MYO1C: variants seen among roughly 807,000 people sequenced by gnomAD.
The protein encoded by MYO1C is myosin IC.
A neutral mutation model predicts 150.8 loss-of-function variants in MYO1C; 104 were observed. That is an observed-to-expected ratio of 0.69 (90% confidence interval 0.59 to 0.81). The LOEUF is 0.81. Ranked by LOEUF, MYO1C falls within the 30% of genes least tolerant of loss-of-function variation. The pLI is 0.00. For synonymous variants in MYO1C, 663 were observed against 579.9 expected (o/e 1.14, Z -2.06); for missense variants, 1,504 against 1,435.0 (o/e 1.05, Z -0.78).
In MYO1C at chr17:1,468,291, G is replaced by A. The variant is rs1197515483; in HGVS notation, c.2722C>T (p.Pro908Ser). Residue 908 changes from proline to serine, a missense_variant, in exon 27 of 32, where the codon CCC becomes TCC. Pro to Ser is a moderately conservative substitution (Grantham distance 74, BLOSUM62 -1). Coordinates refer to ENST00000648651, the MANE Select transcript of MYO1C (RefSeq NM_001080779.2). Reference sequence around the variant, plus strand: ...GAGCCCAAGGCCTGCAGCACTCGGGGGCTGATCTCATCTGTACCTGCAACT... The same window carrying A: ...GAGCCCAAGGCCTGCAGCACTCGGGAGCTGATCTCATCTGTACCTGCAACT... ...STRLGTDEIS[P>S]RVLQALGSEP... 1.9e-6 allele frequency: 3 copies of A among 1,613,856 alleles called. No homozygotes were observed. The highest frequency in any genetic ancestry group is 1.7e-6 in the Non-Finnish European group (2 of 1,180,038).
chr17:1,472,610 T>G (rs2074327329), intron 17 of MYO1C, among the ~76,000 whole-genome samples: 1 of 152,200 alleles, frequency 6.6e-6, no homozygotes, highest in African/African-American at 2.4e-5. Flanking sequence ...CTGCGGGACC[T>G]GGAAGGATCT....
In MYO1C at chr17:1,472,174, T is replaced by C. The variant is rs756628610; in HGVS notation, c.1852A>G (p.Lys618Glu). The C allele has an allele frequency of 5.6e-6, 9 of 1,614,122 alleles. No homozygotes were observed. The highest frequency in any genetic ancestry group is 7.6e-6 in the Non-Finnish European group (9 of 1,179,994). Reference protein sequence around the residue: ...LLQLVEILQSKEPAYVRCIKP... With the variant: ...LLQLVEILQSEEPAYVRCIKP... ...ATGCAGCGGACGTAGGCGGGCTCCT[T>C]AGACTGCAGGATCTCCACCAGCTGC... is the stretch of plus-strand genomic sequence containing the variant. Residue 618 changes from lysine (K) to glutamate (E), a missense_variant, in exon 18 of 32, where the codon AAG (lysine) becomes GAG (glutamate). By Grantham distance (56) the Lys-to-Glu change is moderately conservative (BLOSUM62 1). Coordinates refer to ENST00000648651, the MANE Select transcript of MYO1C (RefSeq NM_001080779.2).
chr17:1,470,563 T>A, intron 22 of MYO1C, 44 bp from the exon 23 acceptor site: 4 of 1,571,874 alleles, frequency 2.5e-6, no homozygotes, highest in Non-Finnish European at 3.5e-6. Context: ...CTTCTTACCA[T>A]GGTGGCCCCC....
At position 1,492,426 on chromosome 17, in the gene MYO1C, C is replaced by T. The variant is rs1292320038; in HGVS notation, c.62G>A (p.Arg21Lys). The T allele has an allele frequency of 1.2e-6, 2 of 1,606,658 alleles. No individual in the cohort carries two copies. Among genetic ancestry groups the T allele is most frequent in the Non-Finnish European group, 1.7e-6 (2 of 1,176,904 alleles). The change falls in exon 1 of 32, where the codon AGG (arginine) becomes AAG (lysine). Residue 21 changes from arginine to lysine, a missense_variant. Arg to Lys is a conservative substitution (Grantham distance 26). Coordinates refer to ENST00000648651, the MANE Select transcript of MYO1C (RefSeq NM_001080779.2). ...GEIIRVVHPH[R>K]PCKLALGSDG... ...ATCCCAGCTTACAAGCTTGCAGGGC[C>T]TGTGGGGATGAACCACGCGGATGAT...
Position 1,471,862 on chromosome 17 carries a change from C to T in MYO1C, c.2021+45G>A, listed in dbSNP as rs755940941. Reference sequence around the variant, plus strand: ...CCCTCATGGGACCTAGGGGCTCCTACCCTCCCGCTCCCCTTCCCTGGCACC... The same window carrying T: ...CCCTCATGGGACCTAGGGGCTCCTATCCTCCCGCTCCCCTTCCCTGGCACC... On this transcript the variant is annotated intron_variant, in intron 19 of 31. Transcript: ENST00000648651. 15 of 1,587,020 alleles carry T rather than the reference C, an allele frequency of 9.5e-6. No individual in the cohort carries two copies. The South Asian group carries it at 1.1e-4, about 12-fold the overall frequency.
chr17:1,489,891 T>A (rs1167214699), intron 1 of MYO1C, among the ~76,000 whole-genome samples: 2 of 151,378 alleles, frequency 1.3e-5, no homozygotes, highest in Non-Finnish European at 2.9e-5. Flanking sequence ...ATACAAAAAA[T>A]TAGCAGGGTG....
At chr17:1,477,838 A>G in intron 13 of MYO1C, 53 bp downstream of exon 13, 2 of 1,498,884 alleles carry the variant, frequency 1.3e-6, no homozygotes, top group Middle Eastern at 2.0e-4. Flanking sequence ...GAGAAGGGGG[A>G]CATCCTCCCA....
intron 1 of MYO1C, among the ~76,000 whole-genome samples, chr17:1,490,445 C>T (rs1482394634): frequency 6.6e-6 from 1 of 152,136 alleles, no homozygotes. Context: ...TTGCAGTGAG[C>T]AGAGGTCGCA....
rs778887409 is a variant in MYO1C at position 1,468,118 on chromosome 17, C to T, written c.2766G>A (p.Ala922=). The change falls in exon 28 of 32, where the codon GCG becomes GCA. Residue 922 remains alanine, a synonymous_variant. Transcript: ENST00000648651. ...QALGSEPIQY[A]VPVVKYDRKG... ...TGCGGTCGTATTTCACAACAGGCAC[C>T]GCATACTGGGGACAGAGGCCAGGCT... The T allele has an allele frequency of 1.5e-5, 24 of 1,613,274 alleles. No individual in the cohort carries two copies. The highest frequency in any genetic ancestry group is 6.7e-5 in the East Asian group (3 of 44,806).
At chr17:1,467,960 C>T (rs2074214072) in intron 28 of MYO1C, 28 bp downstream of exon 28, 5 of 1,612,676 alleles carry the variant, frequency 3.1e-6, no homozygotes, top group Admixed American at 1.7e-5. Flanking sequence ...GCAGGGCCCT[C>T]CCCCTGCAGC....
intron 24 of MYO1C, 99 bp from the exon 25 acceptor site, chr17:1,469,713 C>T: frequency 3.0e-6 from 3 of 991,528 alleles, no homozygotes; most frequent in Non-Finnish European, 4.6e-6. Context: ...AAGTAACACC[C>T]CCTCCATCTG....
chr17:1,469,232 G>C (rs995926331), intron 25 of MYO1C: 1 of 440,304 alleles, frequency 2.3e-6, no homozygotes, highest in Non-Finnish European at 4.3e-6. Flanking sequence ...CGGTAGACCG[G>C]GGTCAATACT....
chr17:1,474,861 G>A lies in MYO1C; in HGVS notation c.1670-3C>T. ...GTCATTGTTTTTGTCCAGAAACCCTGGGAGGGGAGAACCGACGTGAGGTGA... is the reference window on the plus strand; with the variant it reads ...GTCATTGTTTTTGTCCAGAAACCCTAGGAGGGGAGAACCGACGTGAGGTGA... On this transcript the variant is annotated splice_polypyrimidine_tract_variant and splice_region_variant and intron_variant, in intron 15 of 31. Transcript: ENST00000648651. The A allele has an allele frequency of 1.9e-6, 3 of 1,613,902 alleles. No homozygotes were observed. The highest frequency in any genetic ancestry group is 2.5e-6 in the Non-Finnish European group (3 of 1,179,980).
chr17:1,482,870 C>G lies in MYO1C; in HGVS notation c.537G>C (p.Pro179=), dbSNP rs566183609. ...AVRDRLLQSN[P]VLEAFGNAKT... ...TCTCCCTGCCCCTCACCTCCAGCACCGGGTTGCTCTGTAGCAGCCGGTCCC... is the reference window on the plus strand; with the variant it reads ...TCTCCCTGCCCCTCACCTCCAGCACGGGGTTGCTCTGTAGCAGCCGGTCCC... Residue 179 remains proline (P), a synonymous_variant, in exon 4 of 32, where the codon CCG becomes CCC. Transcript: ENST00000648651. 1 of 1,366,470 alleles carries G rather than the reference C, an allele frequency of 7.3e-7. No individual in the cohort carries two copies. The allele number at this position is 1,366,470 out of a possible 1,614,324, so 84.6% of individuals were successfully genotyped here. A position where few individuals can be genotyped will look rare whatever the true frequency, so the allele number is the denominator to read the frequency against.
chr17:1,483,903 G>A (rs1056002332), intron 2 of MYO1C, among the ~76,000 whole-genome samples, 178 bp from the exon 3 acceptor site: 8 of 152,122 alleles, frequency 5.3e-5, no homozygotes, highest in Non-Finnish European at 1.0e-4. Context: ...TTAGCCGGGC[G>A]TGGTGGCGGG....
At chr17:1,485,085 G>A (rs1175334328) in intron 1 of MYO1C, 3 of 1,243,826 alleles carry the variant, frequency 2.4e-6, no homozygotes, top group Non-Finnish European at 3.1e-6. Flanking sequence ...CTCCTCCACT[G>A]AGAGTCCTGA....
chr17:1,470,396 C>A lies in MYO1C; in HGVS notation c.2366+39G>T, dbSNP rs1356523226. 2.6e-6 allele frequency: 4 copies of A among 1,548,438 alleles called. No individual in the cohort carries two copies. In the Admixed American group the frequency reaches 5.9e-5, roughly 23 times the overall value. On this transcript the variant is annotated intron_variant, in intron 23 of 31. Coordinates refer to ENST00000648651, the MANE Select transcript of MYO1C (RefSeq NM_001080779.2). ...GCCTGGCGGTGAACCACCCCCCACG[C>A]CCTGCTCTGCAGCCCCCACAAGGCA...
chr17:1,479,543 AG>A lies in MYO1C; in HGVS notation c.1021-42del. On this transcript the variant is annotated intron_variant, in intron 8 of 31. Transcript: ENST00000648651. This position sits in a 1 kb window ranked among gnomAD's most constrained non-coding sequence, Gnocchi z 4.2. Reference sequence around the variant, plus strand: ...GAGGACACGGTGAGGGTGCACCCCCAGCCCCCGCCCCCGCCGTCCTCCCGTC... The same window carrying A: ...GAGGACACGGTGAGGGTGCACCCCCACCCCCGCCCCCGCCGTCCTCCCGTC... 1.0e-6 allele frequency: 1 copy of A among 955,576 alleles called. No individual in the cohort carries two copies. The highest frequency in any genetic ancestry group is 1.4e-5 in the South Asian group (1 of 72,898). 59.2% of individuals were successfully genotyped at this position (955,576 alleles called of 1,614,324 possible).
chr17:1,487,829 G>T (rs947590315), intron 1 of MYO1C, among the ~76,000 whole-genome samples: 1 of 152,234 alleles, frequency 6.6e-6, no homozygotes, highest in African/African-American at 2.4e-5. Flanking sequence ...GCTGAGGCAC[G>T]AGAATCGCTT....
Sources: gnomAD v4.1 joint callset for allele counts (sites outside exome capture counted in the v4.1 genomes callset) on GRCh38, gnomAD v4.1.1 for gene constraint, Gnocchi (gnomAD v3.1) non-coding constraint, MANE v1.5 for transcripts, NCBI Gene and HGNC (gene_info 2026-07-23, HGNC 2026-07-21) for gene names.